Variants in BANP observed in about 807,000 individuals in gnomAD.
BANP encodes BTG3 associated nuclear protein, also known as protein BANP.
In BANP, 11 loss-of-function variants were observed where a neutral mutation model predicts 68.1. The observed-to-expected ratio is 0.16, with a 90% confidence interval of 0.10 to 0.27. BANP has a LOEUF of 0.27. Among genes scored for constraint, BANP ranks in the 10% least tolerant of loss-of-function variants. The probability of loss-of-function intolerance (pLI) is 1.00; values close to 1 mark genes in which losing one functional copy is unlikely to be tolerated. For synonymous variants in BANP, 329 were observed against 303.2 expected, an observed-to-expected ratio of 1.09 and a Z score of -0.88; for missense variants, 504 against 722.7, an observed-to-expected ratio of 0.70 and a Z score of 3.47.
intron 1 of BANP, among the ~76,000 whole-genome samples, chr16:87,973,943 C>A (rs941465622): frequency 6.6e-6 from 1 of 152,050 alleles, no homozygotes; most frequent in African/African-American, 2.4e-5. Flanking sequence ...TGAATAGACT[C>A]AAGAGTTGAA....
chr16:87,961,997 T>A (rs991783512), intron 1 of BANP, among the ~76,000 whole-genome samples: 1 of 152,042 alleles, frequency 6.6e-6, no homozygotes, highest in Admixed American at 6.6e-5. Flanking sequence ...CCCAGCACTT[T>A]GGGAGGATGA....
intron 1 of BANP, among the ~76,000 whole-genome samples, chr16:87,968,361 G>C (rs1270212895): frequency 6.6e-6 from 1 of 152,008 alleles, no homozygotes; most frequent in East Asian, 2.0e-4. Flanking sequence ...GTGTGCACCT[G>C]TAGTCTTAGC....
intron 11 of BANP, among the ~76,000 whole-genome samples, chr16:88,056,416 A>G (rs1194009791): frequency 6.6e-6 from 1 of 151,670 alleles, no homozygotes; most frequent in Admixed American, 6.6e-5. Flanking sequence ...GCAAGGGCCC[A>G]GGACAAGCTG....
intron 1 of BANP, among the ~76,000 whole-genome samples, chr16:87,967,169 C>T (rs1325868986): frequency 2.6e-5 from 4 of 152,030 alleles, no homozygotes; most frequent in African/African-American, 4.8e-5. Flanking sequence ...GGTACTGGCA[C>T]CGGCAGCTAG....
chr16:87,954,685 C>G (rs1442596168), intron 1 of BANP, among the ~76,000 whole-genome samples: 1 of 152,374 alleles, frequency 6.6e-6, no homozygotes, highest in Admixed American at 6.5e-5. Flanking sequence ...GCCCGCAGGG[C>G]TCTGCGAGGC....
intron 8 of BANP, among the ~76,000 whole-genome samples, chr16:88,031,025 G>C (rs180752502): frequency 4.5e-4 from 68 of 152,390 alleles, no homozygotes; most frequent in African/African-American, 1.5e-3. Context: ...CAGCTCCGCG[G>C]AGGTGGGCTT....
At chr16:87,977,162 C>A (rs2062312438) in intron 2 of BANP, among the ~76,000 whole-genome samples, 1 of 152,198 alleles carries the variant, frequency 6.6e-6, no homozygotes, top group Non-Finnish European at 1.5e-5. Context: ...TGCCTGTAAT[C>A]CCAGCACCTT....
chr16:88,065,459 T>C, intron 12 of BANP, 127 bp downstream of exon 12: 1 of 609,500 alleles, frequency 1.6e-6, no homozygotes, highest in Admixed American at 2.6e-5. Context: ...GTGAGGGTGA[T>C]CAGTTGAGCC....
At chr16:87,992,725 C>T (rs369779315) in intron 4 of BANP, among the ~76,000 whole-genome samples, 6 of 150,344 alleles carry the variant, frequency 4.0e-5, no homozygotes, top group African/African-American at 1.5e-4. Context: ...ACCTAGGAGG[C>T]GGAGGTTGCA....
intron 2 of BANP, among the ~76,000 whole-genome samples, chr16:87,979,198 C>T (rs1481357345): frequency 2.0e-5 from 3 of 152,042 alleles, no homozygotes; most frequent in Non-Finnish European, 2.9e-5. Flanking sequence ...TTAAGATCTT[C>T]GGAATGTCAA....
At chr16:88,073,960 C>A (rs191239631) in intron 13 of BANP, among the ~76,000 whole-genome samples, 1 of 152,222 alleles carries the variant, frequency 6.6e-6, no homozygotes, top group Non-Finnish European at 1.5e-5. Flanking sequence ...CTTAAGGGGC[C>A]GCTTTCCCTG....
At chr16:88,049,236 C>A (rs2152816821) in intron 11 of BANP, among the ~76,000 whole-genome samples, 1 of 152,302 alleles carries the variant, frequency 6.6e-6, no homozygotes, top group Middle Eastern at 3.4e-3. Flanking sequence ...CTTCCCACGA[C>A]CCGTCTTTGG....
chr16:88,022,815 C>T (rs4843296), intron 7 of BANP, among the ~76,000 whole-genome samples: 18,607 of 152,224 alleles, frequency 0.12, 1,306 homozygotes, highest in South Asian at 0.33. Flanking sequence ...TGTCTTCCCC[C>T]CATGTCTCCC....
At chr16:87,966,270 C>G (rs566749196) in intron 1 of BANP, among the ~76,000 whole-genome samples, 1 of 152,254 alleles carries the variant, frequency 6.6e-6, no homozygotes, top group East Asian at 1.9e-4. Flanking sequence ...CCTGCTTTCC[C>G]ATATGCGCCC....
At chr16:88,072,480 G>C (rs1298598696) in intron 13 of BANP, among the ~76,000 whole-genome samples, 1 of 152,234 alleles carries the variant, frequency 6.6e-6, no homozygotes, top group Non-Finnish European at 1.5e-5. Flanking sequence ...CAGAAGTGAA[G>C]CTCTGCCCTG....
At chr16:88,023,108 G>C (rs1390473551) in intron 7 of BANP, among the ~76,000 whole-genome samples, 1 of 152,210 alleles carries the variant, frequency 6.6e-6, no homozygotes, top group Non-Finnish European at 1.5e-5. Context: ...ACTCCATGCA[G>C]GGGTGGGTGT....
intron 1 of BANP, among the ~76,000 whole-genome samples, chr16:87,955,651 A>G (rs1275523114): frequency 6.6e-6 from 1 of 151,886 alleles, no homozygotes; most frequent in Non-Finnish European, 1.5e-5. Context: ...TGATATTTAC[A>G]TAGTCACAAA....
intron 13 of BANP, among the ~76,000 whole-genome samples, chr16:88,073,947 G>A (rs2091030516): frequency 6.6e-6 from 1 of 152,248 alleles, no homozygotes; most frequent in South Asian, 2.1e-4. Flanking sequence ...GGAAGACGGC[G>A]TGCTTAAGGG....
intron 11 of BANP, among the ~76,000 whole-genome samples, chr16:88,058,146 C>T (rs748497562): frequency 2.0e-5 from 3 of 152,190 alleles, no homozygotes; most frequent in East Asian, 1.9e-4. Flanking sequence ...GGACTGTGCC[C>T]GTGCCTGGTT....
Sources: allele counts gnomAD v4.1 joint callset (sites outside exome capture counted in the v4.1 genomes callset), GRCh38; gene constraint gnomAD v4.1.1; transcripts MANE v1.5; gene names NCBI Gene and HGNC (gene_info 2026-07-23, HGNC 2026-07-21).